The following P4HA1 variants were observed in gnomAD, a reference collection of about 807,000 sequenced individuals.
The protein encoded by P4HA1 is prolyl 4-hydroxylase subunit alpha-1.
A neutral mutation model predicts 72.8 loss-of-function variants in P4HA1; 24 were observed. The ratio of observed to expected loss-of-function variants is 0.33; its 90% CI spans 0.24 to 0.46. P4HA1 has a LOEUF of 0.46. Among genes scored for constraint, P4HA1 ranks in the 20% least tolerant of loss-of-function variants. The probability of loss-of-function intolerance (pLI) is 1.00; values close to 1 mark genes in which losing one functional copy is unlikely to be tolerated. For missense variants in P4HA1, 446 were observed against 640.6 expected, an observed-to-expected ratio of 0.70 and a Z score of 3.28; for synonymous variants, 201 against 218.8, an observed-to-expected ratio of 0.92 and a Z score of 0.72.
intron 5 of P4HA1, among the ~76,000 whole-genome samples, chr10:73,059,424 T>TAAAAAAAAAAAAAAAA (rs920360586): frequency 4.1e-5 from 1 of 24,152 alleles, no homozygotes; most frequent in Non-Finnish European, 1.0e-4. Context: ...ACAATATATT[T>TAAAAAAAAAAAAAAAA]AAAAAAAAAA....
intron 5 of P4HA1, among the ~76,000 whole-genome samples, chr10:73,066,820 C>A (rs564067022): frequency 2.0e-5 from 3 of 152,154 alleles, no homozygotes; most frequent in Non-Finnish European, 4.4e-5. Flanking sequence ...TGCTGGCCCT[C>A]ATTCTCTTTC....
In P4HA1 at chr10:73,073,743, T is replaced by C. The variant is rs200650208; in HGVS notation, c.161A>G (p.Glu54Gly). ...ACATTTTGCTTACTTTTTTATTTGT[T>C]CTAACTTGTCCTCTTCTGCCTTAAT... ...DYIKAEEDKL[E>G]QIKKWAEKLD... Residue 54 changes from glutamate to glycine, a missense_variant, in exon 3 of 15, where the codon GAA (glutamate) becomes GGA (glycine). Physicochemically the swap from Glu to Gly is moderately conservative, Grantham distance 98. Transcript: ENST00000394890. 1.9e-5 allele frequency: 28 copies of C among 1,500,240 alleles called. No individual in the cohort carries two copies. In the South Asian group the frequency reaches 2.8e-4, roughly 15 times the overall value. 92.9% of individuals were successfully genotyped at this position (1,500,240 alleles called of 1,614,324 possible).
chr10:73,071,969 T>C, intron 4 of P4HA1, 60 bp downstream of exon 4: 1 of 1,326,520 alleles, frequency 7.5e-7, no homozygotes, highest in African/African-American at 1.4e-5. Context: ...TTATCATTAA[T>C]TTTATTATTT....
intron 5 of P4HA1, among the ~76,000 whole-genome samples, chr10:73,054,175 G>A (rs4469800): frequency 0.11 from 16,254 of 152,048 alleles, 1,248 homozygotes; most frequent in East Asian, 0.29. Flanking sequence ...CAAGGTGCTG[G>A]GATTACAGGC....
chr10:73,069,703 A>G (rs573655705), intron 4 of P4HA1, among the ~76,000 whole-genome samples: 35 of 152,308 alleles, frequency 2.3e-4, no homozygotes, highest in Admixed American at 2.0e-3. Context: ...AACACTCCTT[A>G]AGAAATAAAA....
intron 9 of P4HA1, among the ~76,000 whole-genome samples, chr10:73,037,507 T>C (rs1840604515): frequency 8.5e-6 from 1 of 118,126 alleles, no homozygotes; most frequent in South Asian, 2.9e-4. Context: ...TATTCTATGA[T>C]TAGCTAATCG....
intron 10 of P4HA1, among the ~76,000 whole-genome samples, chr10:73,024,252 C>A (rs934102524): frequency 2.6e-5 from 4 of 152,156 alleles, no homozygotes; most frequent in African/African-American, 7.2e-5. Context: ...GTAAAGCACT[C>A]CTCAGCAAAT....
intron 5 of P4HA1, among the ~76,000 whole-genome samples, chr10:73,062,458 A>T (rs769828098): frequency 6.6e-6 from 1 of 152,144 alleles, no homozygotes; most frequent in Non-Finnish European, 1.5e-5. Context: ...CTCTCAGAAT[A>T]TACAGTTCTG....
At position 73,069,003 on chromosome 10, in the gene P4HA1, A is replaced by G. The variant is rs1474887241; in HGVS notation, c.326-20T>C. 5.1e-6 allele frequency: 8 copies of G among 1,579,404 alleles called. No homozygotes were observed. The East Asian group carries it at 1.8e-4, about 35-fold the overall frequency. On this transcript the variant is annotated intron_variant, in intron 4 of 14. Transcript: ENST00000394890. ...TAAAGCCTTGAAATAGATAAATCAAAGAAAAAAAAACTGTAGAACCTCATA... is the reference window on the plus strand; with the variant it reads ...TAAAGCCTTGAAATAGATAAATCAAGGAAAAAAAAACTGTAGAACCTCATA...
chr10:73,027,908 T>C (rs1287172400), intron 10 of P4HA1, among the ~76,000 whole-genome samples: 5 of 140,176 alleles, frequency 3.6e-5, no homozygotes, highest in South Asian at 4.7e-4. Flanking sequence ...GAGGGAAGAA[T>C]CAGAAATCAT....
chr10:73,027,620 A>G (rs1840310992), intron 10 of P4HA1, among the ~76,000 whole-genome samples: 1 of 106,562 alleles, frequency 9.4e-6, no homozygotes, highest in African/African-American at 3.7e-5. Flanking sequence ...GAAGGAAGGA[A>G]GGAAAGAAGG....
At position 73,022,759 on chromosome 10, in the gene P4HA1, C is replaced by T. The variant is rs139905515; in HGVS notation, c.1249-5860G>A. 3.9e-5 allele frequency among the ~76,000 whole-genome samples: 6 copies of T among 152,228 alleles called. No homozygotes were observed. In the East Asian group the frequency reaches 1.2e-3, roughly 29 times the overall value. Reference sequence around the variant, plus strand: ...CTAAAACCCTTGAAAAAAGGTTAGACGAATGGCTAACTAGAACAAACAGTG... The same window carrying T: ...CTAAAACCCTTGAAAAAAGGTTAGATGAATGGCTAACTAGAACAAACAGTG... On this transcript the variant is annotated intron_variant, in intron 10 of 14. Transcript: ENST00000394890.
In P4HA1 at chr10:73,016,909, A is replaced by C. The variant is rs1199952233; in HGVS notation, c.1249-10T>G. On this transcript the variant is annotated splice_polypyrimidine_tract_variant and intron_variant, in intron 10 of 14. Transcript: ENST00000394890. ...CTCCATAATTTGCTACCTGAAGGAA[A>C]GACACAAAGCATGAAAGAAAAGAAC... 1 of 1,607,304 alleles carries C rather than the reference A, an allele frequency of 6.2e-7. No homozygotes were observed. Among genetic ancestry groups the C allele is most frequent in the African/African-American group, 1.3e-5 (1 of 74,794 alleles).
chr10:73,075,208 A>G (rs113842846), intron 1 of P4HA1, among the ~76,000 whole-genome samples: 8 of 152,210 alleles, frequency 5.3e-5, no homozygotes, highest in African/African-American at 1.7e-4. Context: ...CCCGGGTTCA[A>G]GCGATTCTCA....
At chr10:73,055,395 G>C (rs985402834) in intron 5 of P4HA1, among the ~76,000 whole-genome samples, 1 of 152,138 alleles carries the variant, frequency 6.6e-6, no homozygotes, top group Non-Finnish European at 1.5e-5. Flanking sequence ...GTCAAGACGG[G>C]GTTTCACCAT....
At chr10:73,071,192 CAAA>C (rs36107511) in intron 4 of P4HA1, 12 of 103,022 alleles carry the variant, frequency 1.2e-4, no homozygotes, top group South Asian at 2.8e-4. Flanking sequence ...ACCCTGTCTC[CAAA>C]AAAAAAAAAA....
chr10:73,029,077 T>C (rs2133060153), intron 10 of P4HA1, among the ~76,000 whole-genome samples: 1 of 152,026 alleles, frequency 6.6e-6, no homozygotes, highest in South Asian at 2.1e-4. Context: ...ACCTTTCTAA[T>C]GAATTTATGA....
chr10:73,077,589 G>A (rs1841729036), intron 1 of P4HA1, among the ~76,000 whole-genome samples: 1 of 151,992 alleles, frequency 6.6e-6, no homozygotes, highest in Non-Finnish European at 1.5e-5. Flanking sequence ...TGAATTCTAG[G>A]ATGGATTAAA....
chr10:73,085,659 A>G (rs1412272832), intron 1 of P4HA1, among the ~76,000 whole-genome samples: 1 of 152,142 alleles, frequency 6.6e-6, no homozygotes, highest in African/African-American at 2.4e-5. Context: ...CTGGGATTAC[A>G]GGAGTGACCC....
Sources: allele counts gnomAD v4.1 joint callset (sites outside exome capture counted in the v4.1 genomes callset), GRCh38; gene constraint gnomAD v4.1.1; transcripts MANE v1.5; gene names NCBI Gene and HGNC (gene_info 2026-07-23, HGNC 2026-07-21).